The following CNTN4 variants were observed in gnomAD, a reference collection of about 807,000 sequenced individuals.
The protein encoded by CNTN4 is contactin 4.
In CNTN4, 77 loss-of-function variants were observed where a neutral mutation model predicts 122.5. The observed-to-expected ratio is 0.63, with a 90% CI of 0.52 to 0.76. The LOEUF is 0.76. Ranked by LOEUF, CNTN4 falls within the 30% of genes least tolerant of loss-of-function variation. CNTN4 has a pLI of 0.00. For synonymous variants in CNTN4, 512 were observed against 447.0 expected, an observed-to-expected ratio of 1.15 and a Z score of -1.83; for missense variants, 1,256 against 1,259.1, an observed-to-expected ratio of 1.00 and a Z score of 0.04.
At chr3:2,443,859 C>T (rs969695631) in intron 3 of CNTN4, among the ~76,000 whole-genome samples, 23 of 152,206 alleles carry the variant, frequency 1.5e-4, no homozygotes, top group Admixed American at 5.9e-4. Context: ...TACTATCCAG[C>T]TGATTTTGTG....
chr3:2,401,914 C>A (rs897520051), intron 3 of CNTN4, among the ~76,000 whole-genome samples: 1 of 152,032 alleles, frequency 6.6e-6, no homozygotes, highest in East Asian at 1.9e-4. Context: ...CAAAGTAATA[C>A]CTGGATTTTT....
chr3:2,831,570 C>G (rs192780300), intron 7 of CNTN4, among the ~76,000 whole-genome samples: 2 of 152,318 alleles, frequency 1.3e-5, no homozygotes, highest in African/African-American at 4.8e-5. Context: ...CTTCCCATCT[C>G]CAGCCGAAAC....
At chr3:2,226,956 GCA>G (rs1455428436) in intron 2 of CNTN4, among the ~76,000 whole-genome samples, 11 of 152,044 alleles carry the variant, frequency 7.2e-5, no homozygotes, top group African/African-American at 2.7e-4. Context: ...AGAAATTGAG[GCA>G]CAGAGTGTTG....
intron 3 of CNTN4, among the ~76,000 whole-genome samples, chr3:2,541,790 A>G (rs2149302037): frequency 6.6e-6 from 1 of 152,206 alleles, no homozygotes; most frequent in African/African-American, 2.4e-5. Context: ...TACTGGTGCC[A>G]CTGTGTTGGA....
chr3:2,115,886 C>T (rs2033316435), intron 2 of CNTN4, among the ~76,000 whole-genome samples: 1 of 152,186 alleles, frequency 6.6e-6, no homozygotes, highest in Non-Finnish European at 1.5e-5. Flanking sequence ...AAATGTGTTT[C>T]TAGAAATTGT....
At chr3:2,523,220 T>C (rs2077281526) in intron 3 of CNTN4, among the ~76,000 whole-genome samples, 1 of 152,154 alleles carries the variant, frequency 6.6e-6, no homozygotes, top group Non-Finnish European at 1.5e-5. Context: ...TTTCACCCTG[T>C]GGCTTATGAA....
rs947257416 is a variant in CNTN4 at position 2,279,926 on chromosome 3, A to T, written c.-144-59252A>T. Among the ~76,000 whole-genome samples the T allele has an allele frequency of 2.7e-5, 4 of 150,838 alleles. No individual in the cohort carries two copies. The East Asian group carries it at 7.7e-4, about 29-fold the overall frequency. On this transcript the variant is annotated intron_variant, in intron 2 of 24. Coordinates refer to ENST00000418658, the MANE Select transcript of CNTN4 (RefSeq NM_175607.3). ...TAAATCTATATATCTAGCTATATAT[A>T]TTTAGATATATCTTGCTCTAGATAT...
At chr3:2,964,869 G>C (rs1692142185) in intron 13 of CNTN4, among the ~76,000 whole-genome samples, 1 of 152,130 alleles carries the variant, frequency 6.6e-6, no homozygotes, top group East Asian at 1.9e-4. Flanking sequence ...AACTGCAGTT[G>C]TTTCCCCTTC....
chr3:3,024,676 C>T (rs989792647), intron 14 of CNTN4, among the ~76,000 whole-genome samples: 1 of 151,988 alleles, frequency 6.6e-6, no homozygotes, highest in Non-Finnish European at 1.5e-5. Flanking sequence ...CTATTTAGAA[C>T]AGAGATTTCC....
chr3:2,719,067 T>A (rs1033088903), intron 4 of CNTN4, among the ~76,000 whole-genome samples: 2 of 152,202 alleles, frequency 1.3e-5, no homozygotes, highest in African/African-American at 4.8e-5. Flanking sequence ...AGGTTATTTT[T>A]AAAAATTCAG....
chr3:2,485,047 C>T (rs910309807), intron 3 of CNTN4, among the ~76,000 whole-genome samples: 1 of 152,216 alleles, frequency 6.6e-6, no homozygotes, highest in Non-Finnish European at 1.5e-5. Context: ...TGGCTTAGCA[C>T]CCTGGCCAGC....
chr3:2,462,511 A>G (rs1367564692), intron 3 of CNTN4, among the ~76,000 whole-genome samples: 4 of 152,182 alleles, frequency 2.6e-5, no homozygotes, highest in South Asian at 2.1e-4. Flanking sequence ...CAAAAACATG[A>G]TATTTTGGAT....
chr3:2,282,461 A>G (rs897661616), intron 2 of CNTN4, among the ~76,000 whole-genome samples: 1 of 151,976 alleles, frequency 6.6e-6, no homozygotes, highest in African/African-American at 2.4e-5. Flanking sequence ...CCTTAGTTTT[A>G]TTCTCCTGTG....
At position 2,887,277 on chromosome 3, in the gene CNTN4, T is replaced by C. The variant is rs535977512; in HGVS notation, c.940+53T>C. The C allele has an allele frequency of 4.1e-5, 63 of 1,540,976 alleles. No individual in the cohort carries two copies. In the South Asian group the frequency reaches 4.8e-4, roughly 12 times the overall value. On this transcript the variant is annotated intron_variant, in intron 10 of 24. Coordinates refer to ENST00000418658, the MANE Select transcript of CNTN4 (RefSeq NM_175607.3). ...TATAGTGCTACAGAACTTCCTGATA[T>C]TGAAATCATAAGCTGAGAGGCATTC...
At chr3:2,665,710 A>T (rs972995049) in intron 4 of CNTN4, among the ~76,000 whole-genome samples, 3 of 152,206 alleles carry the variant, frequency 2.0e-5, no homozygotes, top group African/African-American at 7.2e-5. Context: ...AGGGTAGATA[A>T]GGAGACTTAG....
intron 2 of CNTN4, among the ~76,000 whole-genome samples, chr3:2,335,209 G>A (rs1247919191): frequency 1.3e-5 from 2 of 152,040 alleles, no homozygotes; most frequent in South Asian, 4.2e-4. Flanking sequence ...TTTCACATGT[G>A]ATTTTATTTA....
chr3:2,190,467 G>C (rs566703184), intron 2 of CNTN4, among the ~76,000 whole-genome samples: 1 of 152,104 alleles, frequency 6.6e-6, no homozygotes, highest in South Asian at 2.1e-4. Flanking sequence ...GCTCATCCAT[G>C]GGCATAAAGG....
intron 2 of CNTN4, among the ~76,000 whole-genome samples, chr3:2,108,723 A>G (rs148992442): frequency 0.011 from 1,720 of 152,316 alleles, 14 homozygotes; most frequent in Non-Finnish European, 0.018. Flanking sequence ...TAGCTAATTA[A>G]AAGACATCAT....
intron 2 of CNTN4, among the ~76,000 whole-genome samples, chr3:2,148,752 T>C (rs1407722265): frequency 6.6e-6 from 1 of 152,136 alleles, no homozygotes; most frequent in African/African-American, 2.4e-5. Flanking sequence ...TCCATGTAAC[T>C]AGATGCCTTG....
Sources: gnomAD v4.1 joint callset for allele counts (sites outside exome capture counted in the v4.1 genomes callset) on GRCh38, gnomAD v4.1.1 for gene constraint, MANE v1.5 for transcripts, NCBI Gene and HGNC (gene_info 2026-07-23, HGNC 2026-07-21) for gene names.